Variants in LIMK2 observed in about 807,000 individuals in gnomAD.
LIMK2 encodes LIM domain kinase 2.
In LIMK2, 35 loss-of-function variants were observed where a neutral mutation model predicts 75.7. The observed-to-expected ratio is 0.46, with a 90% CI of 0.35 to 0.61. The LOEUF (loss-of-function observed/expected upper bound fraction) is 0.61. Ranked by LOEUF, LIMK2 falls within the 20% of genes least tolerant of loss-of-function variation. LIMK2 has a pLI of 0.00. For synonymous variants in LIMK2, 301 were observed against 319.2 expected, an observed-to-expected ratio of 0.94 and a Z score of 0.61; for missense variants, 623 against 831.0, an observed-to-expected ratio of 0.75 and a Z score of 3.08.
chr22:31,273,567 C>T (rs1362668264), intron 14 of LIMK2, 60 bp downstream of exon 14: 28 of 1,363,018 alleles, frequency 2.1e-5, no homozygotes, highest in South Asian at 1.2e-4. Flanking sequence ...TGCCTTCCCT[C>T]GGAACTGGGG....
intron 15 of LIMK2, chr22:31,276,907 C>G: frequency 6.2e-7 from 1 of 1,613,354 alleles, no homozygotes; most frequent in Non-Finnish European, 8.5e-7. Context: ...GCACCTCAAC[C>G]TAGAGGAGTG....
At position 31,212,433 on chromosome 22, in the gene LIMK2, G is replaced by T; in HGVS notation, c.16+9G>T. On this transcript the variant is annotated intron_variant, in intron 1 of 15. Coordinates refer to ENST00000331728, the MANE Select transcript of LIMK2 (RefSeq NM_005569.4). ...CATGTCCGCGCTGGCGGGTAAGGAA[G>T]GGCTGCTCCGCCCTGTCCCGCTGTT... The T allele has an allele frequency of 7.5e-7, 1 of 1,331,838 alleles. No homozygotes were observed. The highest frequency in any genetic ancestry group is 9.7e-7 in the Non-Finnish European group (1 of 1,031,494). The allele number at this position is 1,331,838 out of a possible 1,614,324, so 82.5% of individuals were successfully genotyped here. A position where few individuals can be genotyped will look rare whatever the true frequency, so the allele number is the denominator to read the frequency against.
chr22:31,224,835 A>C (rs2048465029), intron 1 of LIMK2, among the ~76,000 whole-genome samples: 1 of 152,232 alleles, frequency 6.6e-6, no homozygotes, highest in Non-Finnish European at 1.5e-5. Context: ...ACATACAAAG[A>C]GCTTTGTATC....
At chr22:31,249,579 T>A (rs2048705140) in intron 2 of LIMK2, among the ~76,000 whole-genome samples, 2 of 152,128 alleles carry the variant, frequency 1.3e-5, no homozygotes, top group South Asian at 4.1e-4. Context: ...CCCTTCTGAA[T>A]GGAGCCATTC....
intron 1 of LIMK2, among the ~76,000 whole-genome samples, chr22:31,222,048 G>A (rs2048438605): frequency 6.6e-6 from 1 of 152,062 alleles, no homozygotes; most frequent in South Asian, 2.1e-4. Flanking sequence ...GGAAATGAGG[G>A]CAGCGATGTG....
In LIMK2 at chr22:31,266,970, C is replaced by G. The variant is rs780158191; in HGVS notation, c.1042-14C>G. On this transcript the variant is annotated splice_polypyrimidine_tract_variant and intron_variant, in intron 8 of 15. Coordinates refer to ENST00000331728, the MANE Select transcript of LIMK2 (RefSeq NM_005569.4). ...CTCTGGTCTCAGCACCATTAACAGT[C>G]ACCCTCCCTGTAGGTGACACACAAA... 2.5e-6 allele frequency: 4 copies of G among 1,586,810 alleles called. No individual in the cohort carries two copies. The South Asian group carries it at 4.5e-5, about 18-fold the overall frequency.
chr22:31,258,561 A>G (rs2048808099), intron 3 of LIMK2, 135 bp downstream of exon 3: 3 of 853,112 alleles, frequency 3.5e-6, no homozygotes, highest in East Asian at 5.3e-5. Context: ...CATTCATTCA[A>G]CTAGCAGGTA....
At chr22:31,236,732 G>A (rs973269980) in intron 2 of LIMK2, among the ~76,000 whole-genome samples, 7 of 148,468 alleles carry the variant, frequency 4.7e-5, no homozygotes, top group African/African-American at 1.7e-4. Context: ...TGGCCAACAT[G>A]GTGAAACCCC....
At chr22:31,246,183 G>GCACACACACACGCACACACACA (rs2048667779) in intron 2 of LIMK2, among the ~76,000 whole-genome samples, 1 of 134,994 alleles carries the variant, frequency 7.4e-6, no homozygotes, top group Non-Finnish European at 1.6e-5. Flanking sequence ...ACGCACGCAC[G>GCACACACACACGCACACACACA]CACACACACA....
chr22:31,228,419 CA>C (rs989717229), intron 2 of LIMK2, among the ~76,000 whole-genome samples: 2 of 151,582 alleles, frequency 1.3e-5, no homozygotes, highest in Non-Finnish European at 2.9e-5. Context: ...AACTCCATCG[CA>C]AAAAAACAAC....
intron 2 of LIMK2, among the ~76,000 whole-genome samples, chr22:31,230,423 C>A (rs1201347133): frequency 6.6e-6 from 1 of 152,066 alleles, no homozygotes; most frequent in African/African-American, 2.4e-5. Flanking sequence ...GATGATTGTC[C>A]GTTCACCCTG....
chr22:31,250,012 T>G (rs1290860564), intron 2 of LIMK2, among the ~76,000 whole-genome samples: 1 of 152,208 alleles, frequency 6.6e-6, no homozygotes, highest in Non-Finnish European at 1.5e-5. Context: ...TCTGTCTTCC[T>G]GACTTTCTCT....
At chr22:31,248,708 G>A (rs1388233719) in intron 2 of LIMK2, 1 of 1,614,038 alleles carries the variant, frequency 6.2e-7, no homozygotes, top group Non-Finnish European at 8.5e-7. Context: ...TATCTGGTGT[G>A]GGAAGAAGAT....
At chr22:31,229,788 A>G (rs1568985229) in intron 2 of LIMK2, among the ~76,000 whole-genome samples, 2 of 152,154 alleles carry the variant, frequency 1.3e-5, no homozygotes, top group African/African-American at 4.8e-5. Context: ...AGCCACATCC[A>G]TAATCCTGCC....
At chr22:31,277,289 G>C in intron 15 of LIMK2, 4 of 1,473,876 alleles carry the variant, frequency 2.7e-6, no homozygotes, top group Non-Finnish European at 3.6e-6. Flanking sequence ...CTCTTCCCCT[G>C]CCCCCTCAGT....
At position 31,272,633 on chromosome 22, in the gene LIMK2, G is replaced by A. The variant is rs764868585; in HGVS notation, c.1487G>A (p.Arg496His). Residue 496 changes from arginine (R) to histidine (H), a missense_variant, in exon 13 of 16, where the codon CGC becomes CAC. Arg to His is a conservative substitution (Grantham distance 29). Transcript: ENST00000331728. ...GCCACCACCAAGAAACGCACCTTGC[G>A]CAAGAACGACCGCAAGAAGCGCTAC... Reference protein sequence around the residue: ...EKATTKKRTLRKNDRKKRYTV... With the variant: ...EKATTKKRTLHKNDRKKRYTV... 18 of 1,613,810 alleles carry A rather than the reference G, an allele frequency of 1.1e-5. No individual in the cohort carries two copies. The South Asian group carries it at 1.3e-4, about 12-fold the overall frequency.
chr22:31,278,682 A>T lies in LIMK2; in HGVS notation c.*241A>T. 2 of 366,148 alleles carry T rather than the reference A, an allele frequency of 5.5e-6. 1 individual carries two copies. Among genetic ancestry groups the T allele is most frequent in the Non-Finnish European group, 9.8e-6 (2 of 203,876 alleles). 22.7% of individuals were successfully genotyped at this position (366,148 alleles called of 1,614,324 possible). On this transcript the variant is annotated 3_prime_UTR_variant, in exon 16 of 16. Coordinates refer to ENST00000331728, the MANE Select transcript of LIMK2 (RefSeq NM_005569.4). The stretch of plus-strand genomic sequence containing the variant: ...ATCCAATACTTGCCTGAAAGCTGTG[A>T]AGAAGAAAAAAACCCCTGGCCTTTG...
At chr22:31,276,932 T>G (rs749895384) in intron 15 of LIMK2, 14 of 1,613,524 alleles carry the variant, frequency 8.7e-6, no homozygotes, top group African/African-American at 1.3e-5. Flanking sequence ...CTGGAGCAGC[T>G]CACGCGCCTC....
intron 1 of LIMK2, among the ~76,000 whole-genome samples, chr22:31,222,164 G>A (rs990967288): frequency 4.1e-4 from 62 of 151,154 alleles, no homozygotes; most frequent in African/African-American, 1.4e-3. Flanking sequence ...TCTGCCTCCC[G>A]GGTTCAAGCC....
Sources: gnomAD v4.1 joint callset for allele counts (sites outside exome capture counted in the v4.1 genomes callset) on GRCh38, gnomAD v4.1.1 for gene constraint, MANE v1.5 for transcripts, NCBI Gene and HGNC (gene_info 2026-07-23, HGNC 2026-07-21) for gene names.